The following HIVEP2 variants were observed in gnomAD, a reference collection of about 807,000 sequenced individuals.
HIVEP2 encodes HIVEP zinc finger 2.
HIVEP2 carries 14 observed loss-of-function variants against 180.7 expected under a neutral mutation model. That is an observed-to-expected ratio of 0.08 (90% CI 0.05 to 0.12). The LOEUF (loss-of-function observed/expected upper bound fraction) is 0.12. Among genes scored for constraint, HIVEP2 ranks in the 10% least tolerant of loss-of-function variants. The probability of loss-of-function intolerance (pLI) is 1.00; values close to 1 mark genes in which losing one functional copy is unlikely to be tolerated. For synonymous variants in HIVEP2, 1,184 were observed against 1,136.4 expected, an observed-to-expected ratio of 1.04 and a Z score of -0.84; for missense variants, 2,579 against 3,008.5, an observed-to-expected ratio of 0.86 and a Z score of 3.34.
intron 1 of HIVEP2, among the ~76,000 whole-genome samples, chr6:142,878,816 G>A (rs768830129): frequency 6.6e-6 from 1 of 152,106 alleles, no homozygotes; most frequent in Non-Finnish European, 1.5e-5. Flanking sequence ...AAGGCACCTC[G>A]CCTCATCATC....
chr6:142,912,334 C>T (rs1310235958), intron 1 of HIVEP2, among the ~76,000 whole-genome samples: 1 of 152,214 alleles, frequency 6.6e-6, no homozygotes, highest in Non-Finnish European at 1.5e-5. Flanking sequence ...CAAACACATG[C>T]TAATAACAGT....
chr6:142,800,406 A>G (rs773266572), intron 2 of HIVEP2, among the ~76,000 whole-genome samples: 2 of 152,162 alleles, frequency 1.3e-5, no homozygotes, highest in Admixed American at 6.6e-5. Context: ...ATGCTTCTCT[A>G]TGAAACAATG....
At chr6:142,788,213 C>T (rs1017165951) in intron 2 of HIVEP2, 4 of 151,986 alleles carry the variant, frequency 2.6e-5, no homozygotes, top group South Asian at 2.1e-4. Context: ...TGTTAAATGA[C>T]GAGTTAATGG....
chr6:142,891,056 T>A (rs1329238483), intron 1 of HIVEP2, among the ~76,000 whole-genome samples: 1 of 152,244 alleles, frequency 6.6e-6, no homozygotes, highest in Admixed American at 6.5e-5. Context: ...TCTGCAGTTT[T>A]CAAAAGTATT....
chr6:142,855,334 G>C (rs901868193), intron 1 of HIVEP2, among the ~76,000 whole-genome samples: 14 of 152,186 alleles, frequency 9.2e-5, no homozygotes, highest in African/African-American at 3.1e-4. Context: ...CTTTGTGTGT[G>C]CACAGCAGGG....
At chr6:142,919,101 A>T (rs578015700) in intron 1 of HIVEP2, among the ~76,000 whole-genome samples, 22 of 152,272 alleles carry the variant, frequency 1.4e-4, no homozygotes, top group South Asian at 2.1e-4. Flanking sequence ...ATTTACTCAC[A>T]CTGGCTTTCT....
intron 2 of HIVEP2, among the ~76,000 whole-genome samples, chr6:142,826,565 A>G (rs996597265): frequency 1.3e-5 from 2 of 152,238 alleles, no homozygotes; most frequent in Non-Finnish European, 2.9e-5. Context: ...AAAACATTTT[A>G]CCACTTCAAT....
intron 1 of HIVEP2, among the ~76,000 whole-genome samples, chr6:142,935,253 G>A (rs1778024005): frequency 6.6e-6 from 1 of 152,216 alleles, no homozygotes; most frequent in African/African-American, 2.4e-5. Flanking sequence ...AAGCACTTAA[G>A]AGTGCACAGA....
chr6:142,803,872 T>C (rs991260676), intron 2 of HIVEP2, among the ~76,000 whole-genome samples: 1 of 152,028 alleles, frequency 6.6e-6, no homozygotes, highest in Non-Finnish European at 1.5e-5. Flanking sequence ...TCCTGAGGAG[T>C]GGGAGGCTGA....
chr6:142,828,854 T>C (rs756325730), intron 2 of HIVEP2, among the ~76,000 whole-genome samples: 4 of 152,246 alleles, frequency 2.6e-5, no homozygotes, highest in Non-Finnish European at 5.9e-5. Flanking sequence ...TTGGTTGATT[T>C]AAAAGTTGAC....
At chr6:142,856,311 A>T (rs1357006636) in intron 1 of HIVEP2, among the ~76,000 whole-genome samples, 2 of 152,200 alleles carry the variant, frequency 1.3e-5, no homozygotes, top group Admixed American at 1.3e-4. Context: ...AGTGAAAAGA[A>T]TCTCCTTTGA....
At chr6:142,779,727 A>G (rs1016008827) in intron 3 of HIVEP2, 1 of 152,246 alleles carries the variant, frequency 6.6e-6, no homozygotes, top group African/African-American at 2.4e-5. Flanking sequence ...TTATTCAATA[A>G]AATATAATGT....
At chr6:142,791,151 C>T (rs934524066) in intron 2 of HIVEP2, among the ~76,000 whole-genome samples, 4 of 152,062 alleles carry the variant, frequency 2.6e-5, no homozygotes, top group African/African-American at 7.2e-5. Context: ...AACCAAAGAA[C>T]AAATCTGGAC....
chr6:142,828,615 A>G (rs1314414623), intron 2 of HIVEP2, among the ~76,000 whole-genome samples: 2 of 151,960 alleles, frequency 1.3e-5, no homozygotes, highest in African/African-American at 4.8e-5. Context: ...TTTTGTATTT[A>G]GAGATGGGGT....
rs1775234551 is a variant in HIVEP2 at position 142,761,446 on chromosome 6, C to A, written c.5620+18G>T. On this transcript the variant is annotated intron_variant, in intron 8 of 9. Transcript: ENST00000367603. ...TGCATAATGAAGAGGTCTGTCAACTCATTTATGACATACACACCTGCTTCC... is the reference window on the plus strand; with the variant it reads ...TGCATAATGAAGAGGTCTGTCAACTAATTTATGACATACACACCTGCTTCC... The A allele has an allele frequency of 7.7e-7, 1 of 1,302,980 alleles. No individual in the cohort carries two copies. Among genetic ancestry groups the A allele is most frequent in the Non-Finnish European group, 1.1e-6 (1 of 896,086 alleles). The allele number at this position is 1,302,980 out of a possible 1,614,324, so 80.7% of individuals were successfully genotyped here.
intron 9 of HIVEP2, 133 bp downstream of exon 9, chr6:142,759,639 G>A (rs982855487): frequency 1.5e-5 from 11 of 721,510 alleles, no homozygotes; most frequent in Middle Eastern, 3.0e-4. Context: ...ATGTCTCCCC[G>A]CTATTTTCAT....
At position 142,753,712 on chromosome 6, in the gene HIVEP2, T is replaced by G. The variant is rs987933374; in HGVS notation, c.6736A>C (p.Ser2246Arg). ...GGCAATGTGGGTGAAGGATGTAAAC[T>G]GGAAAGGGCTGGCGGCATGGAGTGA... ...MVHSMPPALS[S>R]LHPSPTLPLP... Residue 2246 changes from serine to arginine, a missense_variant, in exon 10 of 10, where the codon AGT (serine) becomes CGT (arginine). Physicochemically the swap from Ser to Arg is moderately radical, Grantham distance 110 (BLOSUM62 -1). Around this residue, in one of 11 missense-constraint regions of HIVEP2, gnomAD observed 660 missense variants for 731.7 expected, o/e 0.90. Transcript: ENST00000367603. The G allele has an allele frequency of 1.2e-6, 2 of 1,614,050 alleles. No individual in the cohort carries two copies. The highest frequency in any genetic ancestry group is 1.7e-6 in the Non-Finnish European group (2 of 1,180,004).
intron 1 of HIVEP2, among the ~76,000 whole-genome samples, chr6:142,851,781 C>T (rs1171790820): frequency 6.6e-6 from 1 of 152,198 alleles, no homozygotes; most frequent in East Asian, 1.9e-4. Context: ...TCTGACCTGA[C>T]AAAAGGATCA....
intron 7 of HIVEP2, among the ~76,000 whole-genome samples, chr6:142,763,250 G>A (rs1303468533): frequency 6.6e-6 from 1 of 152,198 alleles, no homozygotes; most frequent in Admixed American, 6.5e-5. Context: ...AGGACAAGGA[G>A]AGGGAAGGAG....
Sources: allele counts gnomAD v4.1 joint callset (sites outside exome capture counted in the v4.1 genomes callset), GRCh38; gene constraint gnomAD v4.1.1; regional missense constraint gnomAD v4.1.1; transcripts MANE v1.5; gene names NCBI Gene and HGNC (gene_info 2026-07-23, HGNC 2026-07-21).